Variants in PLA2R1 observed in about 807,000 individuals in gnomAD.
The protein encoded by PLA2R1 is phospholipase A2 receptor 1, also known as secretory phospholipase A2 receptor.
In PLA2R1, 158 loss-of-function variants were observed where a neutral mutation model predicts 195.9. The observed-to-expected ratio is 0.81, with a 90% CI of 0.71 to 0.92. PLA2R1 has a LOEUF of 0.92. Ranked by LOEUF, PLA2R1 falls within the 40% of genes least tolerant of loss-of-function variation. The probability of loss-of-function intolerance (pLI) is 0.00; values close to 1 mark genes in which losing one functional copy is unlikely to be tolerated. For missense variants in PLA2R1, 1,626 were observed against 1,764.6 expected (o/e 0.92, Z 1.41); for synonymous variants, 586 against 598.2 (o/e 0.98, Z 0.30).
At chr2:160,009,704 TTACGTA>T (rs56253153) in intron 10 of PLA2R1, among the ~76,000 whole-genome samples, 84,013 of 151,740 alleles carry the variant, frequency 0.55, 23,609 homozygotes, top group East Asian at 0.6. Context: ...TATGTGTGTT[TTACGTA>T]TATTTTACCA....
intron 20 of PLA2R1, among the ~76,000 whole-genome samples, chr2:159,959,247 T>C (rs1312010041): frequency 6.6e-6 from 1 of 152,236 alleles, no homozygotes; most frequent in Non-Finnish European, 1.5e-5. Flanking sequence ...GTTACACTAA[T>C]GAACCATTCA....
At chr2:160,043,160 G>T (rs930205512) in intron 2 of PLA2R1, among the ~76,000 whole-genome samples, 7 of 152,116 alleles carry the variant, frequency 4.6e-5, no homozygotes, top group Admixed American at 2.6e-4. Flanking sequence ...TGCGGGCTTT[G>T]GCCTCTACCC....
At chr2:160,055,947 C>T (rs969685604) in intron 1 of PLA2R1, among the ~76,000 whole-genome samples, 1 of 152,140 alleles carries the variant, frequency 6.6e-6, no homozygotes, top group African/African-American at 2.4e-5. Context: ...CGCCCTCTTT[C>T]AGAAGGTGGC....
At chr2:160,031,107 G>A (rs531543889) in intron 4 of PLA2R1, among the ~76,000 whole-genome samples, 35 of 152,220 alleles carry the variant, frequency 2.3e-4, no homozygotes, top group Admixed American at 2.0e-3. Flanking sequence ...TTTAGGGTGG[G>A]CACACATTGC....
At chr2:160,009,960 A>G (rs1254382304) in intron 10 of PLA2R1, among the ~76,000 whole-genome samples, 1 of 152,036 alleles carries the variant, frequency 6.6e-6, no homozygotes, top group Non-Finnish European at 1.5e-5. Context: ...ATTTTAAAAA[A>G]TTAGCCAGGC....
intron 11 of PLA2R1, among the ~76,000 whole-genome samples, chr2:160,003,792 A>T (rs1229255876): frequency 6.6e-6 from 1 of 152,220 alleles, no homozygotes; most frequent in African/African-American, 2.4e-5. Flanking sequence ...TTGTTGTAAC[A>T]CTTTTGTAGC....
At chr2:159,986,024 T>C (rs893356971) in intron 12 of PLA2R1, among the ~76,000 whole-genome samples, 1 of 152,072 alleles carries the variant, frequency 6.6e-6, no homozygotes, top group African/African-American at 2.4e-5. Context: ...TCAGCTGTCA[T>C]GCAAAGTGGG....
In PLA2R1 at chr2:159,977,329, A is replaced by AG. The variant is rs1334535599; in HGVS notation, c.2355dup (p.His787ThrfsTer7). ...CATTCACGTTTGGAACCACAGTGTA[A>AG]GGGCAGCAATGTTTTGTTTGCCTTA... On this transcript the variant is annotated frameshift_variant, in exon 15 of 30. Coordinates refer to ENST00000283243, the MANE Select transcript of PLA2R1 (RefSeq NM_007366.5). LOFTEE classifies it high-confidence loss of function. 2 of 1,612,834 alleles carry AG rather than the reference A, an allele frequency of 1.2e-6. No individual in the cohort carries two copies. Among genetic ancestry groups the AG allele is most frequent in the Non-Finnish European group, 8.5e-7 (1 of 1,179,006 alleles).
chr2:159,977,335 G>A lies in PLA2R1; in HGVS notation c.2350C>T (p.Leu784=). ...CGTTTGGAACCACAGTGTAAGGGCA[G>A]CAATGTTTTGTTTGCCTTATAAACA... ...CAVYKANKTL[L]PLHCGSKREW... is the part of the protein sequence containing the mutation. The change falls in exon 15 of 30, where the codon CTG becomes TTG. Residue 784 remains leucine (L), a synonymous_variant. Transcript: ENST00000283243. The A allele has an allele frequency of 6.2e-7, 1 of 1,612,648 alleles. No individual in the cohort carries two copies. The highest frequency in any genetic ancestry group is 8.5e-7 in the Non-Finnish European group (1 of 1,178,738).
At chr2:160,048,941 C>T (rs6749547) in intron 1 of PLA2R1, among the ~76,000 whole-genome samples, 1,644 of 148,916 alleles carry the variant, frequency 0.011, 30 homozygotes, top group African/African-American at 0.039. Context: ...CCCGGGTTCA[C>T]GCCATTCTCC....
intron 20 of PLA2R1, among the ~76,000 whole-genome samples, chr2:159,958,471 A>G (rs760403846): frequency 2.7e-4 from 41 of 151,986 alleles, no homozygotes; most frequent in Admixed American, 2.6e-3. Flanking sequence ...GTCTAATACA[A>G]TATCTTTCCC....
At chr2:159,982,891 G>T (rs1384096971) in intron 13 of PLA2R1, among the ~76,000 whole-genome samples, 1 of 152,140 alleles carries the variant, frequency 6.6e-6, no homozygotes, top group East Asian at 1.9e-4. Flanking sequence ...AGTCATGGAG[G>T]TGTGATGATC....
chr2:159,987,428 T>C, intron 11 of PLA2R1, 70 bp from the exon 12 acceptor site: 1 of 1,075,080 alleles, frequency 9.3e-7, no homozygotes, highest in East Asian at 2.6e-5. Flanking sequence ...GACTGCTCTT[T>C]AGAGTGTTGA....
intron 17 of PLA2R1, among the ~76,000 whole-genome samples, chr2:159,971,330 T>C (rs957714252): frequency 3.9e-5 from 6 of 152,136 alleles, no homozygotes; most frequent in African/African-American, 1.4e-4. Context: ...AGTAAGGAAA[T>C]AGAAGACTTG....
intron 11 of PLA2R1, among the ~76,000 whole-genome samples, chr2:159,989,349 A>T (rs904175794): frequency 1.3e-5 from 2 of 152,216 alleles, no homozygotes; most frequent in African/African-American, 4.8e-5. Context: ...ACTGAACTGG[A>T]GAAATCCATG....
Position 159,939,636 on chromosome 2 carries a change from T to G in PLA2R1, c.*2142A>C, listed in dbSNP as rs1189548429. 1 of 152,190 alleles carries G rather than the reference T, an allele frequency of 6.6e-6. No homozygotes were observed. The highest frequency in any genetic ancestry group is 1.5e-5 in the Non-Finnish European group (1 of 68,042). The allele number at this position is 152,190 out of a possible 1,614,324, so 9.4% of individuals were successfully genotyped here. A position where few individuals can be genotyped will look rare whatever the true frequency, so the allele number is the denominator to read the frequency against. ...TGTGTGATCTGTCCATGGGTCCAGA[T>G]TATCTGGAGATGTTGTTCAATACTA... On this transcript the variant is annotated 3_prime_UTR_variant, in exon 30 of 30. Transcript: ENST00000283243.
At chr2:160,041,155 T>C (rs1694495995) in intron 3 of PLA2R1, among the ~76,000 whole-genome samples, 1 of 152,210 alleles carries the variant, frequency 6.6e-6, no homozygotes, top group Non-Finnish European at 1.5e-5. Flanking sequence ...ACTTTATAAG[T>C]CAGATTCTTT....
downstream of PLA2R1, among the ~76,000 whole-genome samples, chr2:159,931,005 C>T (rs925502262): frequency 5.9e-5 from 9 of 152,134 alleles, no homozygotes; most frequent in African/African-American, 1.7e-4. Context: ...GAGTTCAGTT[C>T]TGAGGGAAAG....
chr2:160,033,203 T>C (rs1693967801), intron 3 of PLA2R1, 71 bp from the exon 4 acceptor site: 1 of 1,198,160 alleles, frequency 8.3e-7, no homozygotes, highest in Non-Finnish European at 1.2e-6. Context: ...CTAAGGTAAG[T>C]CTGAATGGAA....
Sources: allele counts gnomAD v4.1 joint callset (sites outside exome capture counted in the v4.1 genomes callset), GRCh38; gene constraint gnomAD v4.1.1; transcripts MANE v1.5; gene names NCBI Gene and HGNC (gene_info 2026-07-23, HGNC 2026-07-21).